The following PI4K2B variants were observed in gnomAD, a reference collection of about 807,000 sequenced individuals.
PI4K2B encodes phosphatidylinositol 4-kinase type 2 beta.
Under a neutral mutation model 56.6 loss-of-function variants are expected in PI4K2B, and 46 were observed. The observed-to-expected ratio is 0.81, with a 90% CI of 0.64 to 1.04. The LOEUF is 1.04. Ranked by LOEUF, PI4K2B falls within the 50% of genes least tolerant of loss-of-function variation. PI4K2B has a pLI of 0.00. For synonymous variants in PI4K2B, 211 were observed against 223.8 expected (o/e 0.94, Z 0.51); for missense variants, 556 against 607.7 (o/e 0.91, Z 0.89).
chr4:25,263,140 A>G (rs1257302909), intron 6 of PI4K2B, among the ~76,000 whole-genome samples: 1 of 152,154 alleles, frequency 6.6e-6, no homozygotes, highest in Non-Finnish European at 1.5e-5. Flanking sequence ...CCATGATCCG[A>G]TTACCTCCAC....
chr4:25,263,815 A>T lies in PI4K2B; in HGVS notation c.1044A>T (p.Ala348=). The T allele has an allele frequency of 1.3e-6, 2 of 1,528,258 alleles. No individual in the cohort carries two copies. 94.7% of individuals were successfully genotyped at this position (1,528,258 alleles called of 1,614,324 possible). Residue 348 remains alanine (A), a synonymous_variant, in exon 7 of 10, where the codon GCA becomes GCT. Transcript: ENST00000264864. The part of the protein sequence containing the change: ...IKIAAIDNGL[A]FPFKHPDEWR... Reference sequence around the variant, plus strand: ...TAGCTGCAATTGATAATGGTCTAGCATTTCCTTTTAAACATCCTGATGAAT... The same window carrying T: ...TAGCTGCAATTGATAATGGTCTAGCTTTTCCTTTTAAACATCCTGATGAAT...
At chr4:25,266,454 A>T (rs1228588857) in intron 7 of PI4K2B, among the ~76,000 whole-genome samples, 1 of 152,206 alleles carries the variant, frequency 6.6e-6, no homozygotes, top group African/African-American at 2.4e-5. Context: ...TTTAAGTCTC[A>T]ATAAACTACT....
At chr4:25,240,270 G>C (rs1362886309) in intron 1 of PI4K2B, among the ~76,000 whole-genome samples, 2 of 152,218 alleles carry the variant, frequency 1.3e-5, no homozygotes, top group East Asian at 1.9e-4. Flanking sequence ...AGAAGGTGCA[G>C]AGTCCTTTCT....
intron 1 of PI4K2B, among the ~76,000 whole-genome samples, chr4:25,248,973 T>G (rs1577682270): frequency 6.7e-6 from 1 of 148,732 alleles, no homozygotes; most frequent in African/African-American, 2.6e-5. Context: ...TCCGCAGTGT[T>G]TGTGTCTCTG....
chr4:25,263,733 AT>A lies in PI4K2B; in HGVS notation c.979-12del. 1.1e-6 allele frequency: 1 copy of A among 927,976 alleles called. No individual in the cohort carries two copies. The highest frequency in any genetic ancestry group is 1.7e-6 in the Non-Finnish European group (1 of 573,968). 57.5% of individuals were successfully genotyped at this position (927,976 alleles called of 1,614,324 possible). On this transcript the variant is annotated splice_polypyrimidine_tract_variant and intron_variant, in intron 6 of 9. Coordinates refer to ENST00000264864, the MANE Select transcript of PI4K2B (RefSeq NM_018323.4). The stretch of plus-strand genomic sequence containing the variant: ...ATATAGGTTCTTTTATCAACATATC[AT>A]TTTTCTACTCTATAGGAATCAAAAT...
At chr4:25,241,870 G>A (rs1208450183) in intron 1 of PI4K2B, among the ~76,000 whole-genome samples, 1 of 152,210 alleles carries the variant, frequency 6.6e-6, no homozygotes, top group Non-Finnish European at 1.5e-5. Context: ...TAAAGCTGGA[G>A]CTTGTACTAG....
Position 25,255,159 on chromosome 4 carries a change from G to A in PI4K2B, c.518G>A (p.Cys173Tyr). The A allele has an allele frequency of 6.2e-7, 1 of 1,614,102 alleles. No homozygotes were observed. Among genetic ancestry groups the A allele is most frequent in the South Asian group, 1.1e-5 (1 of 91,084 alleles). ...TATGTCCATAAGGTCTGCTGCCCTT[G>A]CTGCTTTGGCCGAGGCTGCCTGATT... ...TKYVHKVCCP[C>Y]CFGRGCLIPN... is the part of the protein sequence containing the mutation. The change falls in exon 3 of 10, where the codon TGC becomes TAC. Residue 173 changes from cysteine to tyrosine, a missense_variant. Transcript: ENST00000264864.
intron 1 of PI4K2B, among the ~76,000 whole-genome samples, chr4:25,250,243 A>C (rs544241235): frequency 6.6e-6 from 1 of 152,044 alleles, no homozygotes; most frequent in East Asian, 1.9e-4. Flanking sequence ...GGAGAGGGAG[A>C]GGGAGAATGT....
intron 1 of PI4K2B, among the ~76,000 whole-genome samples, chr4:25,236,873 T>A (rs1257518603): frequency 1.3e-5 from 2 of 152,244 alleles, no homozygotes; most frequent in African/African-American, 4.8e-5. Context: ...TAAAAAATTT[T>A]TAAAGACTAA....
At chr4:25,267,736 G>A (rs965467894) in intron 7 of PI4K2B, 23 of 970,736 alleles carry the variant, frequency 2.4e-5, no homozygotes, top group Admixed American at 1.2e-4. Flanking sequence ...TAGTCCTGGC[G>A]TAGTTTAGAT....
chr4:25,269,041 G>A (rs1716766834), intron 8 of PI4K2B, 103 bp from the exon 9 acceptor site: 1 of 598,580 alleles, frequency 1.7e-6, no homozygotes, highest in South Asian at 2.5e-5. Flanking sequence ...AATTAGGAAA[G>A]CTTTTTAATG....
rs56141369 is a variant in PI4K2B at position 25,248,598 on chromosome 4, G to GT, written c.269-3710dup. Among the ~76,000 whole-genome samples the GT allele has an allele frequency of 2.8e-3, 369 of 131,952 alleles. 1 individual carries two copies. The highest frequency in any genetic ancestry group is 7.6e-3 in the Middle Eastern group (2 of 262). The allele number at this position is 131,952 out of a possible 152,430, so 86.6% of individuals were successfully genotyped here. A position where few individuals can be genotyped will look rare whatever the true frequency, so the allele number is the denominator to read the frequency against. ...GTCCAAAAGAGTGACATGATGTATGGTTTTTTTTTTTTTACATTAAATGTT... is the reference window on the plus strand; with the variant it reads ...GTCCAAAAGAGTGACATGATGTATGGTTTTTTTTTTTTTTACATTAAATGTT... On this transcript the variant is annotated intron_variant, in intron 1 of 9. Coordinates refer to ENST00000264864, the MANE Select transcript of PI4K2B (RefSeq NM_018323.4).
chr4:25,234,367 C>T lies in PI4K2B; in HGVS notation c.204C>T (p.Pro68=), dbSNP rs1426003919. The change falls in exon 1 of 10, where the codon CCC becomes CCT. Residue 68 remains proline (P), a synonymous_variant. Coordinates refer to ENST00000264864, the MANE Select transcript of PI4K2B (RefSeq NM_018323.4). ...GCGACGAGGAGCTGCCCCTCCCGCC[C>T]GGGGACGTGGGGGTCTCCCGGAGTT... ...EAGDEELPLP[P]GDVGVSRSSS... is the part of the protein sequence containing the mutation. 2 of 1,406,038 alleles carry T rather than the reference C, an allele frequency of 1.4e-6. No homozygotes were observed. The highest frequency in any genetic ancestry group is 1.5e-5 in the African/African-American group (1 of 67,338). The allele number at this position is 1,406,038 out of a possible 1,614,324, so 87.1% of individuals were successfully genotyped here. A position where few individuals can be genotyped will look rare whatever the true frequency, so the allele number is the denominator to read the frequency against.
At chr4:25,245,736 G>A (rs1381759915) in intron 1 of PI4K2B, among the ~76,000 whole-genome samples, 2 of 152,196 alleles carry the variant, frequency 1.3e-5, no homozygotes, top group Non-Finnish European at 2.9e-5. Context: ...GGCACTCACT[G>A]CTTGGTGATA....
chr4:25,259,331 A>G, intron 5 of PI4K2B, 141 bp downstream of exon 5: 1 of 609,740 alleles, frequency 1.6e-6, no homozygotes. Context: ...CAGATGTAGT[A>G]TTGACTCTCC....
intron 1 of PI4K2B, among the ~76,000 whole-genome samples, chr4:25,239,433 C>CAAGTGCCACATGCAA (rs1560365518): frequency 6.0e-5 from 7 of 116,534 alleles, no homozygotes; most frequent in African/African-American, 7.6e-5. Flanking sequence ...ACGGTGCCGG[C>CAAGTGCCACATGCAA]CCAGGGGGAC....
chr4:25,267,873 T>G, intron 7 of PI4K2B: 1 of 983,612 alleles, frequency 1.0e-6, no homozygotes, highest in Non-Finnish European at 1.2e-6. Context: ...TACAAGTAAG[T>G]GGTCAATTTC....
rs1057456837 is a variant in PI4K2B at position 25,234,216 on chromosome 4, C to T, written c.53C>T (p.Pro18Leu). 6 of 1,411,824 alleles carry T rather than the reference C, an allele frequency of 4.2e-6. No individual in the cohort carries two copies. The highest frequency in any genetic ancestry group is 5.6e-5 in the Admixed American group (2 of 35,730). The allele number at this position is 1,411,824 out of a possible 1,614,324, so 87.5% of individuals were successfully genotyped here. A position where few individuals can be genotyped will look rare whatever the true frequency, so the allele number is the denominator to read the frequency against. Residue 18 changes from proline to leucine, a missense_variant, in exon 1 of 10, where the codon CCG (proline) becomes CTG (leucine). Pro to Leu is a moderately conservative substitution (Grantham distance 98). Coordinates refer to ENST00000264864, the MANE Select transcript of PI4K2B (RefSeq NM_018323.4). ...TTGGCGTCCGCGGACGGCGGGAGCCCGGAGGAGGAGGAGGATGGGGAGCGG... is the reference window on the plus strand; with the variant it reads ...TTGGCGTCCGCGGACGGCGGGAGCCTGGAGGAGGAGGAGGATGGGGAGCGG... ...DRLASADGGS[P>L]EEEEDGEREP...
At chr4:25,260,302 T>C (rs1426274959) in intron 5 of PI4K2B, among the ~76,000 whole-genome samples, 1 of 152,006 alleles carries the variant, frequency 6.6e-6, no homozygotes, top group Non-Finnish European at 1.5e-5. Flanking sequence ...TACTAAGCAC[T>C]TAAAACAATG....
Sources: allele counts gnomAD v4.1 joint callset (sites outside exome capture counted in the v4.1 genomes callset), GRCh38; gene constraint gnomAD v4.1.1; transcripts MANE v1.5; gene names NCBI Gene and HGNC (gene_info 2026-07-23, HGNC 2026-07-21).